The following AKT3 variants were observed in gnomAD, a reference collection of about 807,000 sequenced individuals.
The protein encoded by AKT3 is AKT serine/threonine kinase 3, also known as RAC-gamma serine/threonine-protein kinase.
Under a neutral mutation model 65.3 loss-of-function variants are expected in AKT3, and 15 were observed. The ratio of observed to expected loss-of-function variants is 0.23; its 90% CI spans 0.15 to 0.35. AKT3 has a LOEUF of 0.35. Among genes scored for constraint, AKT3 ranks in the 10% least tolerant of loss-of-function variants. The pLI, the probability that AKT3 is intolerant of heterozygous loss-of-function variation, is 1.00. For synonymous variants in AKT3, 206 were observed against 183.8 expected, an observed-to-expected ratio of 1.12 and a Z score of -0.98; for missense variants, 243 against 576.5, an observed-to-expected ratio of 0.42 and a Z score of 5.92.
chr1:243,714,346 C>A (rs2125229), intron 2 of AKT3, among the ~76,000 whole-genome samples: 118,699 of 152,124 alleles, frequency 0.78, 47,280 homozygotes, highest in Non-Finnish European at 0.86. Flanking sequence ...CCACTTTGTA[C>A]AGATATTTTT....
At chr1:243,807,198 G>A (rs984670931) in intron 2 of AKT3, among the ~76,000 whole-genome samples, 51 of 152,228 alleles carry the variant, frequency 3.4e-4, no homozygotes, top group Non-Finnish European at 8.8e-5. Context: ...AGGACAGGGG[G>A]TGCAGTGCAC....
rs536545593 is a variant in AKT3, at chr1:243,520,031, A to G, written c.1252-7605T>C. Among the ~76,000 whole-genome samples, 5 of 152,326 alleles carry G rather than the reference A, an allele frequency of 3.3e-5. No individual in the cohort carries two copies. The East Asian group carries it at 9.6e-4, about 29-fold the overall frequency. On this transcript the variant is annotated intron_variant, in intron 12 of 13. Transcript: ENST00000673466. ...AGTCCCCTCATATTTACTTTAAACA[A>G]CAGCTGAACAAATTTCAAATATTGT...
chr1:243,587,780 A>G (rs1331104207), intron 8 of AKT3, among the ~76,000 whole-genome samples: 1 of 152,158 alleles, frequency 6.6e-6, no homozygotes, highest in African/African-American at 2.4e-5. Flanking sequence ...TAAATTTCAG[A>G]TTTTTTAGTA....
chr1:243,841,468 A>G (rs1695236754), intron 2 of AKT3, among the ~76,000 whole-genome samples: 1 of 152,218 alleles, frequency 6.6e-6, no homozygotes, highest in African/African-American at 2.4e-5. Flanking sequence ...AAATACGTTT[A>G]AAAAGTAAAT....
At chr1:243,587,597 C>T (rs922537310) in intron 8 of AKT3, among the ~76,000 whole-genome samples, 1 of 152,044 alleles carries the variant, frequency 6.6e-6, no homozygotes, top group African/African-American at 2.4e-5. Flanking sequence ...GGTGACAGGG[C>T]AAGACTCCGT....
rs1018883443 is a variant in AKT3, at chr1:243,504,171, T to C, written c.*1078A>G. The C allele has an allele frequency of 9.2e-6, 2 of 217,186 alleles. No individual in the cohort carries two copies. Among genetic ancestry groups the C allele is most frequent in the Non-Finnish European group, 1.9e-5 (2 of 107,786 alleles). The allele number at this position is 217,186 out of a possible 1,614,324, so 13.5% of individuals were successfully genotyped here. ...CAAAAGTAACTGCAGTAAGTCTATT[T>C]TATATAAGTTGGAGCTGCGTTTGCT... On this transcript the variant is annotated 3_prime_UTR_variant, in exon 14 of 14. Transcript: ENST00000673466.
In AKT3 at chr1:243,505,145, C is replaced by T. The variant is rs1348927637; in HGVS notation, c.*104G>A. ...AGGACCCTTGGCTGGTCTGGGATGT[C>T]GGAAGGTGCCCCTGCTATGTGTAAG... is the stretch of plus-strand genomic sequence containing the variant. On this transcript the variant is annotated 3_prime_UTR_variant, in exon 14 of 14. Transcript: ENST00000673466. 1.4e-5 allele frequency: 15 copies of T among 1,058,826 alleles called. No homozygotes were observed. Among genetic ancestry groups the T allele is most frequent in the Middle Eastern group, 4.0e-4 (2 of 4,954 alleles). 65.6% of individuals were successfully genotyped at this position (1,058,826 alleles called of 1,614,324 possible). A position where few individuals can be genotyped will look rare whatever the true frequency, so the allele number is the denominator to read the frequency against.
intron 2 of AKT3, among the ~76,000 whole-genome samples, chr1:243,748,108 T>C (rs1157678151): frequency 1.3e-5 from 2 of 152,182 alleles, no homozygotes; most frequent in African/African-American, 4.8e-5. Flanking sequence ...ACATATAGCA[T>C]GCCTGGGTAT....
intron 8 of AKT3, among the ~76,000 whole-genome samples, chr1:243,611,521 A>G (rs1677868878): frequency 6.6e-6 from 1 of 152,034 alleles, no homozygotes; most frequent in South Asian, 2.1e-4. Context: ...TATCTCTACA[A>G]AAAAATACAG....
In AKT3 at chr1:243,816,291, T is replaced by G. The variant is rs960076282; in HGVS notation, c.46+26834A>C. Among the ~76,000 whole-genome samples, 11 of 152,202 alleles carry G rather than the reference T, an allele frequency of 7.2e-5. 1 individual carries two copies. The highest frequency in any genetic ancestry group is 7.2e-4 in the Admixed American group (11 of 15,278). ...TATCAACAGCTTATCTTCCACATTT[T>G]AAATCACAACATTTGAGTAATTCAT... On this transcript the variant is annotated intron_variant, in intron 2 of 13. Transcript: ENST00000673466.
chr1:243,664,957 A>G (rs1356613512), intron 3 of AKT3, 74 bp from the exon 4 acceptor site: 16 of 812,674 alleles, frequency 2.0e-5, no homozygotes, highest in Non-Finnish European at 2.7e-5. Flanking sequence ...AGAACTACAG[A>G]GTTCTATTTT....
chr1:243,641,720 A>G (rs1426714936), intron 5 of AKT3, among the ~76,000 whole-genome samples: 1 of 152,100 alleles, frequency 6.6e-6, no homozygotes, highest in East Asian at 1.9e-4. Flanking sequence ...GGATCACTTG[A>G]GTGCATGAGT....
intron 2 of AKT3, among the ~76,000 whole-genome samples, chr1:243,824,977 T>A (rs1694080926): frequency 6.6e-6 from 1 of 152,140 alleles, no homozygotes; most frequent in African/African-American, 2.4e-5. Flanking sequence ...GCACTATTCC[T>A]GATAGCAAAG....
At chr1:243,643,882 C>T (rs1365524369) in intron 5 of AKT3, among the ~76,000 whole-genome samples, 2 of 152,160 alleles carry the variant, frequency 1.3e-5, no homozygotes, top group Non-Finnish European at 2.9e-5. Context: ...CAATTCTTTG[C>T]ATGATAATTG....
At position 243,847,901 on chromosome 1, in the gene AKT3, GATT is replaced by G. The variant is rs1339552695; in HGVS notation, c.-113+2136_-113+2138del. Among the ~76,000 whole-genome samples, 6 of 152,216 alleles carry G rather than the reference GATT, an allele frequency of 3.9e-5. No homozygotes were observed. In the South Asian group the frequency reaches 1.0e-3, roughly 26 times the overall value. On this transcript the variant is annotated intron_variant, in intron 1 of 13. Coordinates refer to ENST00000673466, the MANE Select transcript of AKT3 (RefSeq NM_005465.7). The stretch of plus-strand genomic sequence containing the variant: ...ATATACAATTTAGAGTCGATGTCAA[GATT>G]ATTAAGCCAAAAATTAATTTTAAAT...
chr1:243,781,603 T>G (rs543307695), intron 2 of AKT3, among the ~76,000 whole-genome samples: 47 of 152,210 alleles, frequency 3.1e-4, no homozygotes, highest in Non-Finnish European at 6.0e-4. Flanking sequence ...TATCAAATCT[T>G]TATGGATTCC....
chr1:243,646,936 G>A (rs1680867700), intron 4 of AKT3, among the ~76,000 whole-genome samples: 1 of 152,094 alleles, frequency 6.6e-6, no homozygotes, highest in African/African-American at 2.4e-5. Context: ...TCAGACCAAG[G>A]ATCATTATTT....
intron 3 of AKT3, among the ~76,000 whole-genome samples, chr1:243,678,116 G>A (rs760815370): frequency 1.4e-4 from 21 of 151,962 alleles, no homozygotes; most frequent in Admixed American, 2.6e-4. Context: ...CAAATATAGA[G>A]ATAGCCTATC....
rs980570223 is a variant in AKT3 at position 243,849,986 on chromosome 1, AGG to A, written c.-113+52_-113+53del. 4.1e-6 allele frequency: 4 copies of A among 965,398 alleles called. No homozygotes were observed. The African/African-American group carries it at 7.1e-5, about 17-fold the overall frequency. The allele number at this position is 965,398 out of a possible 1,614,324, so 59.8% of individuals were successfully genotyped here. On this transcript the variant is annotated intron_variant, in intron 1 of 13. Coordinates refer to ENST00000673466, the MANE Select transcript of AKT3 (RefSeq NM_005465.7). ...GGGCGGACCGGGGCCCGGGGCCCGG[AGG>A]GAGTGGAGGCCAGGCGGGGAGGGGG... is the stretch of plus-strand genomic sequence containing the variant.
Sources: gnomAD v4.1 joint callset for allele counts (sites outside exome capture counted in the v4.1 genomes callset) on GRCh38, gnomAD v4.1.1 for gene constraint, MANE v1.5 for transcripts, NCBI Gene and HGNC (gene_info 2026-07-23, HGNC 2026-07-21) for gene names.